Variants in FIP1L1 observed in about 807,000 individuals in gnomAD.
FIP1L1 encodes the protein factor interacting with PAPOLA and CPSF1.
In FIP1L1, 21 loss-of-function variants were observed where a neutral mutation model predicts 84.6. That is an observed-to-expected ratio of 0.25 (90% CI 0.18 to 0.36). The LOEUF is 0.36. FIP1L1 is among the 10% of genes least tolerant of loss of function. The probability of loss-of-function intolerance (pLI) is 1.00; values close to 1 mark genes in which losing one functional copy is unlikely to be tolerated. For missense variants in FIP1L1, 526 were observed against 751.1 expected (o/e 0.70, Z 3.50); for synonymous variants, 263 against 242.3 (o/e 1.09, Z -0.80).
intron 10 of FIP1L1, among the ~76,000 whole-genome samples, chr4:53,402,653 G>T (rs1750901556): frequency 6.6e-6 from 1 of 152,172 alleles, no homozygotes; most frequent in African/African-American, 2.4e-5. Flanking sequence ...AGTGAGCCAA[G>T]ATCACACCAC....
At chr4:53,415,236 A>ATC (rs1327881987) in intron 11 of FIP1L1, among the ~76,000 whole-genome samples, 1 of 152,138 alleles carries the variant, frequency 6.6e-6, no homozygotes, top group Non-Finnish European at 1.5e-5. Flanking sequence ...TTTGTTAATG[A>ATC]TCTACCCTCC....
At chr4:53,430,825 G>T (rs28729231) in intron 13 of FIP1L1, among the ~76,000 whole-genome samples, 19,725 of 151,944 alleles carry the variant, frequency 0.13, 2,552 homozygotes, top group African/African-American at 0.32. Flanking sequence ...TTTATTCTTG[G>T]TTTACATTTC....
At chr4:53,397,300 C>G (rs1242436828) in intron 9 of FIP1L1, among the ~76,000 whole-genome samples, 2 of 152,162 alleles carry the variant, frequency 1.3e-5, no homozygotes, top group Non-Finnish European at 2.9e-5. Context: ...GAGTAGCTTT[C>G]CTTCATTCCT....
At chr4:53,397,107 A>C (rs1454784251) in intron 9 of FIP1L1, among the ~76,000 whole-genome samples, 1 of 152,244 alleles carries the variant, frequency 6.6e-6, no homozygotes, top group Non-Finnish European at 1.5e-5. Flanking sequence ...TGTTGAAGCA[A>C]GTGATTGTGC....
At chr4:53,398,037 A>G (rs1748331809) in intron 9 of FIP1L1, among the ~76,000 whole-genome samples, 1 of 152,170 alleles carries the variant, frequency 6.6e-6, no homozygotes, top group Non-Finnish European at 1.5e-5. Context: ...TTTTTGTGTT[A>G]TTATAACATC....
Position 53,379,120 on chromosome 4 carries a change from T to C in FIP1L1, c.130+3T>C. ...CAGTGATTTGGCAAAGGACCTAGGT[T>C]AGTGCTTGTGATGATCACTTCAGAT... is the stretch of plus-strand genomic sequence containing the variant. On this transcript the variant is annotated splice_donor_region_variant and intron_variant, in intron 2 of 17. Transcript: ENST00000337488. The C allele has an allele frequency of 6.2e-7, 1 of 1,614,106 alleles. No individual in the cohort carries two copies. The highest frequency in any genetic ancestry group is 8.5e-7 in the Non-Finnish European group (1 of 1,179,954).
At chr4:53,437,140 A>G (rs1213929527) in intron 13 of FIP1L1, among the ~76,000 whole-genome samples, 1 of 151,950 alleles carries the variant, frequency 6.6e-6, no homozygotes, top group East Asian at 1.9e-4. Context: ...CAGCCTGGGC[A>G]ACATAGCGAA....
chr4:53,450,461 T>G (rs191271465), intron 15 of FIP1L1, among the ~76,000 whole-genome samples: 292 of 152,332 alleles, frequency 1.9e-3, no homozygotes, highest in Non-Finnish European at 3.3e-3. Flanking sequence ...TTGAGAAGAA[T>G]AATATCCTTT....
At chr4:53,425,827 C>T in intron 11 of FIP1L1, 45 bp from the exon 12 acceptor site, 1 of 1,320,706 alleles carries the variant, frequency 7.6e-7, no homozygotes, top group Non-Finnish European at 1.1e-6. Context: ...ATTTTTTAAG[C>T]ATCTAATTAG....
Position 53,459,869 on chromosome 4 carries a change from A to G in FIP1L1, c.*420A>G, listed in dbSNP as rs1347389460. ...CCCTCTAAGGCTTGAGATTAAAACT[A>G]GTCTTTATCATTACTGCTGTGACAC... On this transcript the variant is annotated 3_prime_UTR_variant, in exon 18 of 18. Transcript: ENST00000337488. 1 of 238,272 alleles carries G rather than the reference A, an allele frequency of 4.2e-6. No individual in the cohort carries two copies. Among genetic ancestry groups the G allele is most frequent in the Non-Finnish European group, 8.2e-6 (1 of 121,424 alleles). The allele number at this position is 238,272 out of a possible 1,614,324, so 14.8% of individuals were successfully genotyped here.
intron 1 of FIP1L1, 154 bp downstream of exon 1, chr4:53,378,077 G>T: frequency 5.0e-6 from 3 of 605,240 alleles, no homozygotes; most frequent in East Asian, 6.8e-5. Flanking sequence ...GCGTGCGCGT[G>T]CCCCCAGTCC....
At chr4:53,422,425 T>C (rs1352897155) in intron 11 of FIP1L1, among the ~76,000 whole-genome samples, 1 of 152,012 alleles carries the variant, frequency 6.6e-6, no homozygotes. Context: ...TATTTTCTCT[T>C]AGACTCAGAG....
intron 13 of FIP1L1, among the ~76,000 whole-genome samples, chr4:53,432,209 A>G (rs1475081647): frequency 3.3e-5 from 5 of 151,934 alleles, no homozygotes; most frequent in Admixed American, 2.0e-4. Flanking sequence ...CAGCCTGGCC[A>G]ACATGGTGAA....
At chr4:53,408,949 C>T (rs988175402) in intron 10 of FIP1L1, among the ~76,000 whole-genome samples, 31 of 152,080 alleles carry the variant, frequency 2.0e-4, no homozygotes, top group Middle Eastern at 3.4e-3. Flanking sequence ...AATTTCCTCC[C>T]GTAGCTTGGA....
intron 11 of FIP1L1, among the ~76,000 whole-genome samples, chr4:53,418,766 C>G (rs1760921434): frequency 6.6e-6 from 1 of 152,116 alleles, no homozygotes; most frequent in African/African-American, 2.4e-5. Context: ...AATTGCTTTT[C>G]AATGTTAAAT....
At chr4:53,387,854 T>TA (rs1175518573) in intron 5 of FIP1L1, among the ~76,000 whole-genome samples, 3 of 152,230 alleles carry the variant, frequency 2.0e-5, no homozygotes, top group Non-Finnish European at 4.4e-5. Context: ...TTTGGATTGT[T>TA]AAAATGTAAA....
rs1319375082 is a variant in FIP1L1 at position 53,458,697 on chromosome 4, A to G, written c.1544A>G (p.Tyr515Cys). The G allele has an allele frequency of 6.2e-7, 1 of 1,613,276 alleles. No individual in the cohort carries two copies. Among genetic ancestry groups the G allele is most frequent in the Admixed American group, 1.7e-5 (1 of 59,932 alleles). Residue 515 changes from tyrosine (Y) to cysteine (C), a missense_variant, in exon 17 of 18, where the codon TAT (tyrosine) becomes TGT (cysteine). Physicochemically the swap from Tyr to Cys is radical, Grantham distance 194. This residue lies in a region of FIP1L1 where 89 missense variants were observed against 169.0 expected (regional missense o/e 0.53). Transcript: ENST00000337488. Reference protein sequence around the residue: ...YRYREYAERGYERHRASREKE... With the variant: ...YRYREYAERGCERHRASREKE... Reference sequence around the variant, plus strand: ...TACAGGGAATATGCAGAAAGAGGTTATGAGCGTCACAGAGCAAGTCGAGAA... The same window carrying G: ...TACAGGGAATATGCAGAAAGAGGTTGTGAGCGTCACAGAGCAAGTCGAGAA...
chr4:53,414,746 A>ATACT, intron 11 of FIP1L1, 24 bp downstream of exon 11: 1 of 1,404,974 alleles, frequency 7.1e-7, no homozygotes. Flanking sequence ...TAAACATTGG[A>ATACT]TACTCCCTGA....
intron 13 of FIP1L1, among the ~76,000 whole-genome samples, chr4:53,439,134 A>C (rs184526247): frequency 1.3e-5 from 2 of 152,250 alleles, no homozygotes; most frequent in East Asian, 3.9e-4. Context: ...AAAACATTTA[A>C]TGATCTGCCT....
Sources: allele counts gnomAD v4.1 joint callset (sites outside exome capture counted in the v4.1 genomes callset), GRCh38; gene constraint gnomAD v4.1.1; regional missense constraint gnomAD v4.1.1; transcripts MANE v1.5; gene names NCBI Gene and HGNC (gene_info 2026-07-23, HGNC 2026-07-21).